OPLAH: variants seen among roughly 807,000 people sequenced by gnomAD.
OPLAH encodes 5-oxoprolinase, ATP-hydrolysing, also known as 5-oxoprolinase.
In OPLAH, 103 loss-of-function variants were observed where a neutral mutation model predicts 122.8. The observed-to-expected ratio is 0.84, with a 90% CI of 0.71 to 0.99. OPLAH has a LOEUF of 0.99. Ranked by LOEUF, OPLAH falls within the 50% of genes least tolerant of loss-of-function variation. OPLAH has a pLI of 0.00. For missense variants in OPLAH, 1,902 were observed against 1,836.5 expected (o/e 1.04, Z -0.65); for synonymous variants, 875 against 796.0 (o/e 1.10, Z -1.67).
At position 144,055,736 on chromosome 8, in the gene OPLAH, CA is replaced by C; in HGVS notation, c.2248+51del. The C allele has an allele frequency of 6.9e-7, 1 of 1,446,216 alleles. No individual in the cohort carries two copies. The highest frequency in any genetic ancestry group is 1.5e-5 in the South Asian group (1 of 68,622). 89.6% of individuals were successfully genotyped at this position (1,446,216 alleles called of 1,614,324 possible). ...TTGGGCACAGCCCTGCCAGCTACCC[CA>C]TGACACAGCCGGCGCCTCATCCCAC... On this transcript the variant is annotated intron_variant, in intron 16 of 26. Transcript: ENST00000618853. This position sits in a 1 kb window ranked among gnomAD's most constrained non-coding sequence, Gnocchi z 6.5.
At position 144,052,331 on chromosome 8, in the gene OPLAH, T is replaced by C; in HGVS notation, c.3304-5A>G. The C allele has an allele frequency of 6.6e-7, 1 of 1,517,688 alleles. No individual in the cohort carries two copies. The highest frequency in any genetic ancestry group is 8.8e-7 in the Non-Finnish European group (1 of 1,135,604). 94.0% of individuals were successfully genotyped at this position (1,517,688 alleles called of 1,614,324 possible). ...GGTCACGTTGTTCATGCAGCCCTGGTGAGGGCACCTGGTCGCTGCGCTGGG... is the reference window on the plus strand; with the variant it reads ...GGTCACGTTGTTCATGCAGCCCTGGCGAGGGCACCTGGTCGCTGCGCTGGG... On this transcript the variant is annotated splice_polypyrimidine_tract_variant and splice_region_variant and intron_variant, in intron 23 of 26. Transcript: ENST00000618853.
At position 144,053,268 on chromosome 8, in the gene OPLAH, C is replaced by T. The variant is rs1554758199; in HGVS notation, c.2812G>A (p.Gly938Arg). ...AANQKGIQLV[G>R]ELIGQYGLDV... ...AGGCCGTACTGCCCAATGAGCTCCC[C>T]CACCAGCTGGATGCCCTTCTGGTTG... Residue 938 changes from glycine to arginine, a missense_variant, in exon 20 of 27, where the codon GGG (glycine) becomes AGG (arginine). Physicochemically the swap from Gly to Arg is moderately radical, Grantham distance 125. Transcript: ENST00000618853. 1 of 1,613,066 alleles carries T rather than the reference C, an allele frequency of 6.2e-7. No individual in the cohort carries two copies. Among genetic ancestry groups the T allele is most frequent in the Non-Finnish European group, 8.5e-7 (1 of 1,179,826 alleles).
chr8:144,061,579 A>C (rs1424882172), upstream of OPLAH, among the ~76,000 whole-genome samples: 1 of 152,078 alleles, frequency 6.6e-6, no homozygotes, highest in African/African-American at 2.4e-5. Context: ...AGTTGGCCAA[A>C]CCTACCAAAA....
chr8:144,052,924 A>T (rs1554758064), intron 21 of OPLAH, 24 bp from the exon 22 acceptor site: 7 of 1,564,314 alleles, frequency 4.5e-6, no homozygotes, highest in Middle Eastern at 1.7e-4. Flanking sequence ...GGGAAGGGAG[A>T]GGCTGTCAGC....
Position 144,057,081 on chromosome 8 carries a change from C to G in OPLAH, c.1573G>C (p.Ala525Pro). Residue 525 changes from alanine (A) to proline (P), a missense_variant, in exon 12 of 27, where the codon GCT becomes CCT. Physicochemically the swap from Ala to Pro is conservative, Grantham distance 27. This residue lies in a region of OPLAH where 1,726 missense variants were observed against 1,642.1 expected (regional missense o/e 1.05). Coordinates refer to ENST00000618853, the MANE Select transcript of OPLAH (RefSeq NM_017570.5). ...TCCTGTGCCTCATGCACCACGTCAG[C>G]CAGGGCCAGCCCCAGGGCCGACAGC... ...GLLSALGLAL[A>P]DVVHEAQEPC... The G allele has an allele frequency of 3.1e-6, 5 of 1,602,460 alleles. No individual in the cohort carries two copies. The highest frequency in any genetic ancestry group is 4.3e-6 in the Non-Finnish European group (5 of 1,175,656).
chr8:144,054,971 G>GA, intron 17 of OPLAH, 58 bp from the exon 18 acceptor site: 1 of 604,602 alleles, frequency 1.7e-6, no homozygotes, highest in Non-Finnish European at 2.2e-6. Context: ...AGAGCGGGGT[G>GA]GGGGGGGGGT....
rs1587564728 is a variant in OPLAH, at chr8:144,058,274, T to C, written c.914A>G (p.Glu305Gly). ...AAAGCCGATGACAGGCTGGCCACCC[T>C]CCTGCTGGTAGGTGGTGGCTGAGTA... ...VGYSATTYQQ[E>G]GGQPVIGFDM... Residue 305 changes from glutamate (E) to glycine (G), a missense_variant, in exon 7 of 27, where the codon GAG becomes GGG. By Grantham distance (98) the Glu-to-Gly change is moderately conservative. This residue lies in a region of OPLAH where 1,726 missense variants were observed against 1,642.1 expected (regional missense o/e 1.05). Transcript: ENST00000618853. 2 of 1,610,330 alleles carry C rather than the reference T, an allele frequency of 1.2e-6. No individual in the cohort carries two copies. The highest frequency in any genetic ancestry group is 1.3e-5 in the African/African-American group (1 of 74,868).
chr8:144,052,368 C>T (rs1554757891), intron 23 of OPLAH, 42 bp from the exon 24 acceptor site: 7 of 1,510,098 alleles, frequency 4.6e-6, no homozygotes, highest in Non-Finnish European at 4.4e-6. Flanking sequence ...TGGGGCAGGG[C>T]GTCCCCACCT....
rs782099914 is a variant in OPLAH, at chr8:144,054,643, G to A, written c.2604C>T (p.Pro868=). The A allele has an allele frequency of 1.2e-6, 2 of 1,611,800 alleles. No individual in the cohort carries two copies. Among genetic ancestry groups the A allele is most frequent in the Admixed American group, 3.3e-5 (2 of 59,982 alleles). ...CCTGTTGCAGCATGGTGGAGTGGGG[G>A]GGCATGGAGCCTGGTGTGATGCCCC... The part of the protein sequence containing the change: ...DIGGITPGSM[P]PHSTMLQQEG... The change falls in exon 19 of 27, where the codon CCC becomes CCT. Residue 868 remains proline, a synonymous_variant. Coordinates refer to ENST00000618853, the MANE Select transcript of OPLAH (RefSeq NM_017570.5).
intron 2 of OPLAH, 22 bp from the exon 3 acceptor site, chr8:144,059,812 T>C (rs782119577): frequency 2.5e-6 from 4 of 1,610,440 alleles, no homozygotes; most frequent in Non-Finnish European, 3.4e-6. Context: ...GTGGTCAGTG[T>C]GGGGCTTCTG....
chr8:144,052,037 G>A lies in OPLAH; in HGVS notation c.3501C>T (p.Gly1167=), dbSNP rs1299801374. 12 of 1,589,874 alleles carry A rather than the reference G, an allele frequency of 7.5e-6. No individual in the cohort carries two copies. The South Asian group carries it at 7.8e-5, about 10-fold the overall frequency. ...VILRRFELRR[G]SGGRGRFRGG... ...CTCGGAAGCGGCCTCTGCCCCCCGA[G>A]CCCCGCCGCAGCTCGAAGCGGCGCA... is the stretch of plus-strand genomic sequence containing the variant. Residue 1167 remains glycine, a synonymous_variant, in exon 25 of 27, where the codon GGC becomes GGT. Coordinates refer to ENST00000618853, the MANE Select transcript of OPLAH (RefSeq NM_017570.5).
At chr8:144,060,939 C>T (rs1489829767), upstream of OPLAH, among the ~76,000 whole-genome samples, 1 of 152,238 alleles carries the variant, frequency 6.6e-6, no homozygotes, top group Non-Finnish European at 1.5e-5. Context: ...CAGGATCCCA[C>T]CTCCAGGTGT....
chr8:144,055,132 A>C lies in OPLAH; in HGVS notation c.2306T>G (p.Leu769Arg). The C allele has an allele frequency of 6.3e-7, 1 of 1,586,066 alleles. No homozygotes were observed. The highest frequency in any genetic ancestry group is 8.6e-7 in the Non-Finnish European group (1 of 1,166,490). ...TAISTNIKER[L>R]DFSCALFGPD... is the part of the protein sequence containing the mutation. ...CCCAAAGAGGGCACAGGAGAAGTCC[A>C]GACGCTCCTTGATGTTGGTGGAGAT... The change falls in exon 17 of 27, where the codon CTG becomes CGG. Residue 769 changes from leucine to arginine, a missense_variant. Physicochemically the swap from Leu to Arg is moderately radical, Grantham distance 102. Transcript: ENST00000618853. This position sits in a 1 kb window ranked among gnomAD's most constrained non-coding sequence, Gnocchi z 6.5.
Position 144,057,647 on chromosome 8 carries a change from C to A in OPLAH, c.1223G>T (p.Cys408Phe). ...LGRLLPASFP[C>F]IFGPGENQPL... ...TTGGTTCTCTCCCGGCCCAAAAATG[C>A]AGGGGAAGGAGGCAGGCAGCAGGCG... Residue 408 changes from cysteine to phenylalanine, a missense_variant, in exon 10 of 27, where the codon TGC (cysteine) becomes TTC (phenylalanine). Physicochemically the swap from Cys to Phe is radical, Grantham distance 205. Coordinates refer to ENST00000618853, the MANE Select transcript of OPLAH (RefSeq NM_017570.5). 3 of 1,604,828 alleles carry A rather than the reference C, an allele frequency of 1.9e-6. No individual in the cohort carries two copies. Among genetic ancestry groups the A allele is most frequent in the Non-Finnish European group, 2.6e-6 (3 of 1,175,496 alleles).
chr8:144,059,930 G>A lies in OPLAH; in HGVS notation c.103C>T (p.Leu35=), dbSNP rs782418446. ...TAGTTGGCAGGGTCCTCTGAGAGCA[G>A]TTTTAAGACCCGCACGTGCCCCCCT... ...CPGGHVRVLK[L]LSEDPANYAD... The change falls in exon 2 of 27, where the codon CTG becomes TTG. Residue 35 remains leucine, a synonymous_variant. Coordinates refer to ENST00000618853, the MANE Select transcript of OPLAH (RefSeq NM_017570.5). 8.7e-6 allele frequency: 14 copies of A among 1,612,716 alleles called. 1 individual carries two copies. The South Asian group carries it at 1.4e-4, about 16-fold the overall frequency.
At chr8:144,062,898 C>T (rs1457073942), upstream of OPLAH, among the ~76,000 whole-genome samples, 3 of 151,860 alleles carry the variant, frequency 2.0e-5, no homozygotes, top group Non-Finnish European at 4.4e-5. Flanking sequence ...CCCCCACCTC[C>T]GCCTGCCTCC....
Position 144,057,527 on chromosome 8 carries a change from A to C in OPLAH, c.1343T>G (p.Leu448Arg). Residue 448 changes from leucine to arginine, a missense_variant, in exon 10 of 27, where the codon CTG becomes CGG. By Grantham distance (102) the Leu-to-Arg change is moderately radical. Coordinates refer to ENST00000618853, the MANE Select transcript of OPLAH (RefSeq NM_017570.5). ...LTNGPCPASP[L>R]SLEEVAMGFV... ...CCCCATGGCCACCTCCTCCAGGCTC[A>C]GCGGGGAGGCCGGGCAGGGCCCGTT... The C allele has an allele frequency of 6.3e-7, 1 of 1,598,194 alleles. No individual in the cohort carries two copies. The highest frequency in any genetic ancestry group is 1.1e-5 in the South Asian group (1 of 88,970).
rs1244298303 is a variant in OPLAH, at chr8:144,059,787, C to A, written c.175G>T (p.Ala59Ser). The change falls in exon 3 of 27, where the codon GCC (alanine) becomes TCC (serine). Residue 59 changes from alanine (A) to serine (S), a missense_variant. Physicochemically the swap from Ala to Ser is moderately conservative, Grantham distance 99. This residue lies in a region of OPLAH where 168 missense variants were observed against 170.6 expected (regional missense o/e 0.98). Transcript: ENST00000618853. ...EGIRRILEQE[A>S]GMLLPRDQPL... ...TGGTCCCGGGGCAGGAGCATGCCGG[C>A]CTCCTGGGGACCACGTGGTCAGTGT... 1 of 1,607,978 alleles carries A rather than the reference C, an allele frequency of 6.2e-7. No individual in the cohort carries two copies. Among genetic ancestry groups the A allele is most frequent in the Non-Finnish European group, 8.5e-7 (1 of 1,178,414 alleles).
upstream of OPLAH, chr8:144,063,708 G>C (rs782255763): frequency 6.6e-6 from 1 of 152,458 alleles, no homozygotes; most frequent in Non-Finnish European, 1.5e-5. This position sits in a 1 kb window ranked among gnomAD's most constrained non-coding sequence, Gnocchi z 4.2. Context: ...ACCTCTCTCA[G>C]CATTCTTGAA....
Sources: allele counts gnomAD v4.1 joint callset (sites outside exome capture counted in the v4.1 genomes callset), GRCh38; gene constraint gnomAD v4.1.1; regional missense constraint gnomAD v4.1.1; non-coding constraint Gnocchi (gnomAD v3.1); transcripts MANE v1.5; gene names NCBI Gene and HGNC (gene_info 2026-07-23, HGNC 2026-07-21).